The following FAM120C variants were observed in gnomAD, a reference collection of about 807,000 sequenced individuals.
FAM120C encodes family with sequence similarity 120 member C, also known as constitutive coactivator of PPAR-gamma-like protein 2.
Under a neutral mutation model 71.2 loss-of-function variants are expected in FAM120C, and 14 were observed. The ratio of observed to expected loss-of-function variants is 0.20; its 90% CI spans 0.13 to 0.31. The LOEUF is 0.31. Among genes scored for constraint, FAM120C ranks in the 10% least tolerant of loss-of-function variants. The probability of loss-of-function intolerance (pLI) is 1.00; values close to 1 mark genes in which losing one functional copy is unlikely to be tolerated. For synonymous variants in FAM120C, 354 were observed against 353.2 expected, an observed-to-expected ratio of 1.00 and a Z score of -0.03; for missense variants, 500 against 879.0, an observed-to-expected ratio of 0.57 and a Z score of 5.45.
At chrX:54,174,531 A>G (rs1344646891) in intron 1 of FAM120C, among the ~76,000 whole-genome samples, 19 of 112,315 alleles carry the variant, frequency 1.7e-4, no homozygotes. Flanking sequence ...AGTGGTTGGA[A>G]AGAGACTTTT....
intron 1 of FAM120C, among the ~76,000 whole-genome samples, chrX:54,166,648 T>A (rs1240696744): frequency 1.8e-5 from 2 of 112,032 alleles, no homozygotes; most frequent in Non-Finnish European, 3.8e-5. Flanking sequence ...AAATGGTAAG[T>A]GCAAGGTACA....
At chrX:54,106,116 A>ATCCT (rs1354827138) in intron 10 of FAM120C, among the ~76,000 whole-genome samples, 8 of 111,819 alleles carry the variant, frequency 7.2e-5, no homozygotes, top group Non-Finnish European at 1.3e-4. Context: ...ATCCTAAGCA[A>ATCCT]AAAGAACAAA....
At chrX:54,080,192 C>T (rs1255378202) in intron 15 of FAM120C, 40 bp downstream of exon 15, 7 of 1,097,098 alleles carry the variant, frequency 6.4e-6, no homozygotes, top group Non-Finnish European at 7.6e-6. Context: ...AGGCAAAAGG[C>T]ATCAAACAGA....
Position 54,135,204 on chromosome X carries a change from C to A in FAM120C, c.1336-93G>T, listed in dbSNP as rs2067088475. ...GTTGTGACACAGTGGATGATGCCAG[C>A]AGTGGAGATTGTTGAGATACAAAGC... On this transcript the variant is annotated intron_variant, in intron 6 of 15. Coordinates refer to ENST00000375180, the MANE Select transcript of FAM120C (RefSeq NM_017848.6). 5.7e-6 allele frequency: 5 copies of A among 873,516 alleles called. No individual in the cohort carries two copies. The African/African-American group carries it at 1.0e-4, about 18-fold the overall frequency. The allele number at this position is 873,516 out of a possible 1,213,427, so 72.0% of individuals were successfully genotyped here. A position where few individuals can be genotyped will look rare whatever the true frequency, so the allele number is the denominator to read the frequency against.
Position 54,085,695 on chromosome X carries a change from C to A in FAM120C, c.2839+20G>T. The A allele has an allele frequency of 1.1e-5, 13 of 1,189,067 alleles. No homozygotes were observed. The highest frequency in any genetic ancestry group is 1.5e-5 in the Non-Finnish European group (13 of 876,206). On this transcript the variant is annotated intron_variant, in intron 13 of 15. Transcript: ENST00000375180. ...TGACATAAATTGAGGATGGTAAATA[C>A]CTCATTCTTTGGTACTGACCTGCAA...
intron 10 of FAM120C, among the ~76,000 whole-genome samples, chrX:54,107,516 T>G (rs1557125023): frequency 9.2e-6 from 1 of 109,227 alleles, no homozygotes; most frequent in Non-Finnish European, 1.9e-5. Context: ...TTATCATTAT[T>G]CTTTAAAAAA....
chrX:54,111,555 A>G (rs868949279), intron 10 of FAM120C, among the ~76,000 whole-genome samples: 1 of 102,517 alleles, frequency 9.8e-6, no homozygotes, highest in Non-Finnish European at 2.0e-5. Context: ...AAAAAAAAAA[A>G]CACCTAGGAA....
At chrX:54,083,850 G>C (rs958107652) in intron 13 of FAM120C, among the ~76,000 whole-genome samples, 1 of 110,626 alleles carries the variant, frequency 9.0e-6, no homozygotes, top group African/African-American at 3.3e-5. Context: ...CGAGTAGCTA[G>C]GATTACAGAC....
chrX:54,145,965 T>C (rs2067152951), intron 4 of FAM120C, among the ~76,000 whole-genome samples: 1 of 112,198 alleles, frequency 8.9e-6, no homozygotes, highest in African/African-American at 3.2e-5. Flanking sequence ...CACCATGGAA[T>C]ACTATGCAGC....
intron 9 of FAM120C, among the ~76,000 whole-genome samples, chrX:54,126,118 G>A (rs1311342141): frequency 9.0e-6 from 1 of 111,683 alleles, no homozygotes; most frequent in African/African-American, 3.2e-5. Context: ...GATTCCTTGT[G>A]ATTTTTCTAC....
chrX:54,129,156 G>C, intron 9 of FAM120C, among the ~76,000 whole-genome samples: 1 of 105,503 alleles, frequency 9.5e-6, no homozygotes, highest in African/African-American at 3.5e-5. Flanking sequence ...CTGGCCTGGC[G>C]GGGGCTGACC....
chrX:54,071,933 C>CATGT lies in FAM120C; in HGVS notation c.*1096_*1099dup, dbSNP rs199747926. 1.1e-3 allele frequency: 95 copies of CATGT among 87,116 alleles called. 1 individual carries two copies. Among genetic ancestry groups the CATGT allele is most frequent in the African/African-American group, 3.8e-3 (90 of 23,594 alleles). The allele number at this position is 87,116 out of a possible 1,213,427, so 7.2% of individuals were successfully genotyped here. On this transcript the variant is annotated 3_prime_UTR_variant, in exon 16 of 16. Transcript: ENST00000375180. ...TTGAGTAAATCCTCTGGGACATCACCATGTATGTATGTATGTATGTATGTA... is the reference window on the plus strand; with the variant it reads ...TTGAGTAAATCCTCTGGGACATCACCATGTATGTATGTATGTATGTATGTATGTA...
intron 1 of FAM120C, among the ~76,000 whole-genome samples, chrX:54,170,548 T>C (rs1389111485): frequency 8.9e-6 from 1 of 112,152 alleles, no homozygotes; most frequent in Non-Finnish European, 1.9e-5. Context: ...AAAAAACCTG[T>C]TGTGTGTCAA....
At chrX:54,077,192 G>C (rs2066740005) in intron 15 of FAM120C, among the ~76,000 whole-genome samples, 1 of 111,332 alleles carries the variant, frequency 9.0e-6, no homozygotes, top group African/African-American at 3.3e-5. Context: ...AGTAGTAATG[G>C]TTAAAGGCAT....
At chrX:54,127,813 C>CA (rs1557128272) in intron 9 of FAM120C, among the ~76,000 whole-genome samples, 1 of 109,619 alleles carries the variant, frequency 9.1e-6, no homozygotes, top group East Asian at 2.9e-4. Context: ...AGGCTGGTCT[C>CA]AAACTCCTGG....
At chrX:54,132,596 A>G (rs1170918595) in intron 9 of FAM120C, 96 bp downstream of exon 9, 1 of 666,596 alleles carries the variant, frequency 1.5e-6, no homozygotes, top group African/African-American at 2.2e-5. Context: ...ATTTTCTTAA[A>G]GACTACTCCA....
chrX:54,104,499 C>T (rs1365759924), intron 10 of FAM120C, among the ~76,000 whole-genome samples: 2 of 111,714 alleles, frequency 1.8e-5, no homozygotes, highest in Non-Finnish European at 3.8e-5. Flanking sequence ...TTTTTTCCTA[C>T]CATTTTGTCT....
intron 9 of FAM120C, among the ~76,000 whole-genome samples, chrX:54,117,550 T>C (rs1268351026): frequency 1.4e-4 from 14 of 101,877 alleles, no homozygotes; most frequent in Non-Finnish European, 2.6e-4. Context: ...AAAAAAAAAT[T>C]AGCCAGGCAT....
intron 1 of FAM120C, among the ~76,000 whole-genome samples, chrX:54,171,215 C>G (rs2067285979): frequency 9.0e-6 from 1 of 111,467 alleles, no homozygotes; most frequent in Non-Finnish European, 1.9e-5. Flanking sequence ...GGCAACCTAG[C>G]AAGACCCTGT....
Sources: allele counts gnomAD v4.1 joint callset (sites outside exome capture counted in the v4.1 genomes callset), GRCh38; gene constraint gnomAD v4.1.1; transcripts MANE v1.5; gene names NCBI Gene and HGNC (gene_info 2026-07-23, HGNC 2026-07-21).